Variants in SKAP2 observed in about 807,000 individuals in gnomAD.
SKAP2 encodes the protein src kinase-associated phosphoprotein 2.
In SKAP2, 28 loss-of-function variants were observed where a neutral mutation model predicts 54.9. The ratio of observed to expected loss-of-function variants is 0.51; its 90% CI spans 0.38 to 0.70. SKAP2 has a LOEUF of 0.70. Ranked by LOEUF, SKAP2 falls within the 30% of genes least tolerant of loss-of-function variation. The pLI is 0.00. For synonymous variants in SKAP2, 137 were observed against 134.3 expected, an observed-to-expected ratio of 1.02 and a Z score of -0.14; for missense variants, 356 against 424.1, an observed-to-expected ratio of 0.84 and a Z score of 1.41.
rs113946323 is a variant in SKAP2, at chr7:26,789,350, T to C, written c.308-49386A>G. Among the ~76,000 whole-genome samples, 348 of 152,294 alleles carry C rather than the reference T, an allele frequency of 2.3e-3. 4 individuals carry two copies. Among genetic ancestry groups the C allele is most frequent in the African/African-American group, 8.0e-3 (332 of 41,566 alleles). On this transcript the variant is annotated intron_variant, in intron 4 of 12. Transcript: ENST00000345317. ...ATTTATAAGTGCCACTTAAAGGAAG[T>C]TGAGGCCCAACATGTATCATTAACT...
At chr7:26,681,906 A>G (rs907946522) in intron 11 of SKAP2, among the ~76,000 whole-genome samples, 1 of 152,212 alleles carries the variant, frequency 6.6e-6, no homozygotes, top group African/African-American at 2.4e-5. Flanking sequence ...TAGGAAAGTA[A>G]TAACCCATAG....
At chr7:26,761,980 G>A (rs1259127217) in intron 4 of SKAP2, among the ~76,000 whole-genome samples, 3 of 152,160 alleles carry the variant, frequency 2.0e-5, no homozygotes, top group Non-Finnish European at 4.4e-5. Context: ...AAGTTTGCCA[G>A]CAGCTAAGAA....
chr7:26,729,210 G>A (rs1694031030), intron 6 of SKAP2, among the ~76,000 whole-genome samples: 1 of 152,066 alleles, frequency 6.6e-6, no homozygotes, highest in Admixed American at 6.6e-5. Flanking sequence ...CAGTCCAAGA[G>A]GAGGACAGTA....
At chr7:26,704,887 C>A (rs963504611) in intron 9 of SKAP2, among the ~76,000 whole-genome samples, 4 of 152,202 alleles carry the variant, frequency 2.6e-5, no homozygotes, top group Non-Finnish European at 5.9e-5. Context: ...AGGTTGAACT[C>A]TCATTTACAA....
intron 4 of SKAP2, among the ~76,000 whole-genome samples, chr7:26,807,439 CTCTG>C (rs1278638361): frequency 1.3e-5 from 2 of 152,200 alleles, no homozygotes; most frequent in African/African-American, 2.4e-5. Flanking sequence ...CCTCCTTGCT[CTCTG>C]TCTCTCCTTC....
At chr7:26,711,566 T>C (rs1288159064) in intron 9 of SKAP2, among the ~76,000 whole-genome samples, 1 of 152,202 alleles carries the variant, frequency 6.6e-6, no homozygotes, top group Non-Finnish European at 1.5e-5. Flanking sequence ...GCTACACAGT[T>C]GATGAAGGCA....
At chr7:26,710,200 G>A (rs569428732) in intron 9 of SKAP2, among the ~76,000 whole-genome samples, 1 of 152,264 alleles carries the variant, frequency 6.6e-6, no homozygotes, top group African/African-American at 2.4e-5. Flanking sequence ...GGGGGTGCCA[G>A]GAAATATAAG....
chr7:26,860,218 A>G lies in SKAP2; in HGVS notation c.67+4145T>C, dbSNP rs16874185. Among the ~76,000 whole-genome samples, 31 of 152,324 alleles carry G rather than the reference A, an allele frequency of 2.0e-4. No homozygotes were observed. The East Asian group carries it at 5.8e-3, about 28-fold the overall frequency. On this transcript the variant is annotated intron_variant, in intron 1 of 12. Transcript: ENST00000345317. ...CCTTATATAGTAATGAGATGAAAAT[A>G]CTTTCAATGGACAGCCATGCCAAAA...
chr7:26,714,244 A>C (rs1409870376), intron 9 of SKAP2, among the ~76,000 whole-genome samples: 1 of 152,186 alleles, frequency 6.6e-6, no homozygotes, highest in Non-Finnish European at 1.5e-5. Flanking sequence ...CAGGAGGCAG[A>C]TTTGGGATCT....
chr7:26,825,743 T>C (rs995085469), intron 4 of SKAP2, among the ~76,000 whole-genome samples: 2 of 152,190 alleles, frequency 1.3e-5, no homozygotes, highest in African/African-American at 4.8e-5. Context: ...CTCTTCTCTC[T>C]ATAAATCAAT....
At chr7:26,681,734 T>G (rs539715434) in intron 11 of SKAP2, among the ~76,000 whole-genome samples, 1 of 152,224 alleles carries the variant, frequency 6.6e-6, no homozygotes, top group Non-Finnish European at 1.5e-5. Flanking sequence ...AGACAAGTCA[T>G]GGCATTAATT....
At chr7:26,768,907 C>A (rs1328884678) in intron 4 of SKAP2, among the ~76,000 whole-genome samples, 1 of 152,132 alleles carries the variant, frequency 6.6e-6, no homozygotes. Flanking sequence ...TTCATTTCAA[C>A]CTTGGTGAAT....
rs778197962 is a variant in SKAP2 at position 26,844,095 on chromosome 7, C to T, written c.242G>A (p.Gly81Glu). Residue 81 changes from glycine (G) to glutamate (E), a missense_variant, in exon 4 of 13, where the codon GGG becomes GAG. Transcript: ENST00000345317. ...DGEEYDDPFA[G>E]PPDTISLASE... ...GGCTAATGAAATAGTGTCTGGAGGC[C>T]CAGCAAAAGGGTCATCATATTCTTC... is the stretch of plus-strand genomic sequence containing the variant. 3 of 1,611,814 alleles carry T rather than the reference C, an allele frequency of 1.9e-6. No homozygotes were observed. Among genetic ancestry groups the T allele is most frequent in the Non-Finnish European group, 2.5e-6 (3 of 1,178,874 alleles).
chr7:26,812,640 A>G (rs1320162788), intron 4 of SKAP2, among the ~76,000 whole-genome samples: 5 of 152,198 alleles, frequency 3.3e-5, no homozygotes, highest in Admixed American at 3.3e-4. Context: ...GTATATCAAA[A>G]TGTATTGACT....
At position 26,725,515 on chromosome 7, in the gene SKAP2, A is replaced by T; in HGVS notation, c.709T>A (p.Tyr237Asn). Residue 237 changes from tyrosine to asparagine, a missense_variant, in exon 9 of 13, where the codon TAT (tyrosine) becomes AAT (asparagine). By Grantham distance (143) the Tyr-to-Asn change is moderately radical (BLOSUM62 -2). Coordinates refer to ENST00000345317, the MANE Select transcript of SKAP2 (RefSeq NM_003930.5). The stretch of plus-strand genomic sequence containing the variant: ...GGTAGAGGATGATCAACATCATCAT[A>T]TAATTCTCCTCTCTCATCATAATCC... The part of the protein sequence containing the change: ...PEDYDERGEL[Y>N]DDVDHPLPIS... 6.2e-7 allele frequency: 1 copy of T among 1,611,320 alleles called. No homozygotes were observed. Among genetic ancestry groups the T allele is most frequent in the South Asian group, 1.1e-5 (1 of 91,008 alleles).
chr7:26,705,014 T>A (rs975114426), intron 9 of SKAP2, among the ~76,000 whole-genome samples: 3 of 152,164 alleles, frequency 2.0e-5, no homozygotes, highest in Admixed American at 2.0e-4. Flanking sequence ...CTTACTTTTT[T>A]AAGGTCTCAC....
chr7:26,777,649 TG>T (rs138080586), intron 4 of SKAP2, among the ~76,000 whole-genome samples: 243 of 152,212 alleles, frequency 1.6e-3, no homozygotes, highest in African/African-American at 5.6e-3. Flanking sequence ...GTACCCAAAA[TG>T]CTGGCAGAAA....
intron 4 of SKAP2, among the ~76,000 whole-genome samples, chr7:26,752,823 T>A (rs1782714229): frequency 6.6e-6 from 1 of 152,156 alleles, no homozygotes; most frequent in Admixed American, 6.6e-5. Flanking sequence ...CCTATAAAGC[T>A]CTAACTCAGT....
chr7:26,709,249 A>T (rs539747809), intron 9 of SKAP2, among the ~76,000 whole-genome samples: 16 of 152,324 alleles, frequency 1.1e-4, no homozygotes, highest in Middle Eastern at 3.4e-3. Context: ...ACAGGCTGCT[A>T]ACAGAAGTGA....
Sources: allele counts gnomAD v4.1 joint callset (sites outside exome capture counted in the v4.1 genomes callset), GRCh38; gene constraint gnomAD v4.1.1; transcripts MANE v1.5; gene names NCBI Gene and HGNC (gene_info 2026-07-23, HGNC 2026-07-21).